The following ACOT12 variants were observed in gnomAD, a reference collection of about 807,000 sequenced individuals.
The protein encoded by ACOT12 is acetyl-coenzyme A thioesterase.
ACOT12 carries 51 observed loss-of-function variants against 67.7 expected under a neutral mutation model. The ratio of observed to expected loss-of-function variants is 0.75; its 90% CI spans 0.60 to 0.95. The LOEUF is 0.95. Ranked by LOEUF, ACOT12 falls within the 40% of genes least tolerant of loss-of-function variation. The pLI, the probability that ACOT12 is intolerant of heterozygous loss-of-function variation, is 0.00. For synonymous variants in ACOT12, 251 were observed against 244.6 expected, an observed-to-expected ratio of 1.03 and a Z score of -0.24; for missense variants, 734 against 708.1, an observed-to-expected ratio of 1.04 and a Z score of -0.41.
chr5:81,385,941 T>A, intron 1 of ACOT12, 115 bp from the exon 2 acceptor site: 1 of 894,612 alleles, frequency 1.1e-6, no homozygotes, highest in Non-Finnish European at 1.8e-6. Context: ...CCTCATTCAT[T>A]ATAGCACCAC....
intron 5 of ACOT12, among the ~76,000 whole-genome samples, chr5:81,350,772 T>G (rs1455557062): frequency 6.6e-6 from 1 of 152,154 alleles, no homozygotes; most frequent in Non-Finnish European, 1.5e-5. Context: ...GGAGAGAATT[T>G]TTTTTCCCAT....
At chr5:81,390,169 C>T (rs1760827209) in intron 1 of ACOT12, among the ~76,000 whole-genome samples, 2 of 151,052 alleles carry the variant, frequency 1.3e-5, no homozygotes, top group South Asian at 4.3e-4. Context: ...TCTATGTTGC[C>T]CAGGCTGGTC....
At chr5:81,325,456 T>A (rs1419825384), downstream of ACOT12, among the ~76,000 whole-genome samples, 2 of 152,152 alleles carry the variant, frequency 1.3e-5, no homozygotes, top group African/African-American at 4.8e-5. Context: ...TTAGCCATAG[T>A]TGGGGTTTTT....
chr5:81,316,880 C>A, the ACOT12 span, among the ~76,000 whole-genome samples: 94 of 152,240 alleles, frequency 6.2e-4, 1 homozygote, highest in South Asian at 8.7e-3. Context: ...CATTCAAATT[C>A]TTTTCCTGTA....
intron 5 of ACOT12, among the ~76,000 whole-genome samples, chr5:81,358,848 T>A (rs948260965): frequency 4.3e-5 from 6 of 139,754 alleles, no homozygotes; most frequent in African/African-American, 1.8e-4. Flanking sequence ...AAACTCTGTC[T>A]CAAAGAAAAA....
intron 2 of ACOT12, among the ~76,000 whole-genome samples, chr5:81,385,305 CA>C (rs568765030): frequency 5.7e-4 from 86 of 151,448 alleles, no homozygotes; most frequent in African/African-American, 1.9e-3. Context: ...TAAATAAATA[CA>C]AAAAAAATTA....
At chr5:81,314,207 C>T in the ACOT12 span, among the ~76,000 whole-genome samples, 7 of 152,162 alleles carry the variant, frequency 4.6e-5, no homozygotes, top group East Asian at 1.9e-4. Flanking sequence ...TGGCTTCAAG[C>T]GATTCTCCTG....
At chr5:81,332,418 T>A in intron 13 of ACOT12, 59 bp downstream of exon 13, 1 of 1,563,840 alleles carries the variant, frequency 6.4e-7, no homozygotes, top group South Asian at 1.2e-5. Flanking sequence ...CACATCAACT[T>A]TTAATTTCTA....
At chr5:81,382,735 G>C (rs1488291640) in intron 2 of ACOT12, among the ~76,000 whole-genome samples, 1 of 151,968 alleles carries the variant, frequency 6.6e-6, no homozygotes, top group African/African-American at 2.4e-5. Flanking sequence ...CTGGGAGGCG[G>C]AGGTTGCAGT....
Position 81,347,944 on chromosome 5 carries a change from G to T in ACOT12, c.497-14C>A, listed in dbSNP as rs747290507. The T allele has an allele frequency of 6.2e-7, 1 of 1,611,476 alleles. No individual in the cohort carries two copies. The highest frequency in any genetic ancestry group is 1.1e-5 in the South Asian group (1 of 90,518). ...CAAAAATGAGATCTGAAAGGTGGAT[G>T]TAAACATTAATGATGGTGGAGTGAA... On this transcript the variant is annotated splice_polypyrimidine_tract_variant and intron_variant, in intron 5 of 14. Transcript: ENST00000307624.
intron 2 of ACOT12, among the ~76,000 whole-genome samples, chr5:81,372,590 T>A (rs1760287728): frequency 6.6e-6 from 1 of 152,184 alleles, no homozygotes; most frequent in Non-Finnish European, 1.5e-5. Context: ...TCAGCTCTGT[T>A]CTCTTTTCTG....
intron 4 of ACOT12, among the ~76,000 whole-genome samples, chr5:81,362,235 G>T (rs1383950169): frequency 6.9e-6 from 1 of 144,788 alleles, no homozygotes; most frequent in Admixed American, 7.2e-5. Context: ...GCACAATCTT[G>T]GCTCACCGCA....
intron 1 of ACOT12, among the ~76,000 whole-genome samples, chr5:81,386,994 CAT>C (rs1491508823): frequency 0.056 from 7,054 of 126,934 alleles, 234 homozygotes; most frequent in Middle Eastern, 0.13. Context: ...GGATGAGTTC[CAT>C]TTTTTTTTTT....
intron 12 of ACOT12, among the ~76,000 whole-genome samples, chr5:81,333,813 C>G (rs1355158034): frequency 1.3e-5 from 2 of 152,150 alleles, no homozygotes; most frequent in African/African-American, 4.8e-5. Flanking sequence ...GGCAGGGTCC[C>G]TGGTGAGGGC....
chr5:81,357,311 A>G (rs1759747322), intron 5 of ACOT12, among the ~76,000 whole-genome samples: 1 of 152,208 alleles, frequency 6.6e-6, no homozygotes, highest in Admixed American at 6.5e-5. Context: ...AAGTTTCTTA[A>G]GAGCAAAGAC....
chr5:81,376,494 C>G (rs1760417371), intron 2 of ACOT12, among the ~76,000 whole-genome samples: 1 of 151,188 alleles, frequency 6.6e-6, no homozygotes, highest in South Asian at 2.1e-4. Flanking sequence ...AAGATCAGAG[C>G]AGAACTGAAG....
At chr5:81,326,877 G>T (rs1255600063), downstream of ACOT12, among the ~76,000 whole-genome samples, 1 of 152,176 alleles carries the variant, frequency 6.6e-6, no homozygotes, top group Non-Finnish European at 1.5e-5. Context: ...AGGGCTCATG[G>T]TGAGCTGTCT....
intron 2 of ACOT12, among the ~76,000 whole-genome samples, chr5:81,379,130 C>T (rs13155027): frequency 0.15 from 22,194 of 152,096 alleles, 2,056 homozygotes; most frequent in Admixed American, 0.21. Flanking sequence ...CACATATACA[C>T]CATGTAATAC....
At position 81,330,957 on chromosome 5, in the gene ACOT12, T is replaced by TACTGAAAGAAAACA; in HGVS notation, c.1392-18_1392-17insTGTTTTCTTTCAGT. On this transcript the variant is annotated splice_polypyrimidine_tract_variant and intron_variant, in intron 13 of 14. Transcript: ENST00000307624. ...TAAGTGTTACTGAAAGAAAACACTT[T>TACTGAAAGAAAACA]CTAAGCTCTTGTGAGAAATAAAGAA... The TACTGAAAGAAAACA allele has an allele frequency of 6.4e-7, 1 of 1,574,776 alleles. No individual in the cohort carries two copies. Among genetic ancestry groups the TACTGAAAGAAAACA allele is most frequent in the Non-Finnish European group, 8.6e-7 (1 of 1,162,586 alleles).
Sources: gnomAD v4.1 joint callset for allele counts (sites outside exome capture counted in the v4.1 genomes callset) on GRCh38, gnomAD v4.1.1 for gene constraint, MANE v1.5 for transcripts, NCBI Gene and HGNC (gene_info 2026-07-23, HGNC 2026-07-21) for gene names.